Variants in CSMD1 observed in about 807,000 individuals in gnomAD.
The protein encoded by CSMD1 is CUB and sushi domain-containing protein 1.
Under a neutral mutation model 417.5 loss-of-function variants are expected in CSMD1, and 213 were observed. That is an observed-to-expected ratio of 0.51 (90% CI 0.46 to 0.57). CSMD1 has a LOEUF of 0.57. Among genes scored for constraint, CSMD1 ranks in the 20% least tolerant of loss-of-function variants. The pLI is 0.00. For synonymous variants in CSMD1, 2,862 were observed against 1,736.8 expected (o/e 1.65, Z -16.11); for missense variants, 6,923 against 4,529.7 (o/e 1.53, Z -15.17).
At chr8:4,567,423 A>G (rs1487722301) in intron 2 of CSMD1, among the ~76,000 whole-genome samples, 1 of 152,160 alleles carries the variant, frequency 6.6e-6, no homozygotes, top group Non-Finnish European at 1.5e-5. Flanking sequence ...ACAACAACAA[A>G]TGGCATTTTT....
intron 2 of CSMD1, among the ~76,000 whole-genome samples, chr8:4,574,263 A>T (rs1238024308): frequency 1.3e-5 from 2 of 152,070 alleles, no homozygotes; most frequent in Non-Finnish European, 2.9e-5. Context: ...TAGGCATCTG[A>T]GGGAATTTCC....
chr8:4,056,493 G>C (rs186958060), intron 3 of CSMD1, among the ~76,000 whole-genome samples: 1 of 151,320 alleles, frequency 6.6e-6, no homozygotes, highest in African/African-American at 2.4e-5. Flanking sequence ...TGAGAGTCCT[G>C]AAAAATATTG....
chr8:4,954,527 T>G (rs916252395), intron 1 of CSMD1, among the ~76,000 whole-genome samples: 1 of 152,214 alleles, frequency 6.6e-6, no homozygotes, highest in Non-Finnish European at 1.5e-5. Flanking sequence ...AATTCATCTA[T>G]AGATTTTATT....
chr8:4,078,360 G>A (rs1012384649), intron 3 of CSMD1, among the ~76,000 whole-genome samples: 1 of 144,236 alleles, frequency 6.9e-6, no homozygotes, highest in Non-Finnish European at 1.5e-5. Flanking sequence ...TGTGTCGCAG[G>A]CTGGAGTGCA....
chr8:4,404,895 T>G (rs989495939), intron 3 of CSMD1, among the ~76,000 whole-genome samples: 1 of 152,212 alleles, frequency 6.6e-6, no homozygotes, highest in South Asian at 2.1e-4. Context: ...ATTTCGCTCA[T>G]TGAATTTTTC....
intron 5 of CSMD1, among the ~76,000 whole-genome samples, chr8:3,812,650 G>A (rs548782302): frequency 6.6e-6 from 1 of 152,180 alleles, no homozygotes; most frequent in African/African-American, 2.4e-5. Context: ...CCTAGCCACA[G>A]TAAAGAGGAA....
chr8:4,466,378 T>C (rs1190561287), intron 2 of CSMD1, among the ~76,000 whole-genome samples: 1 of 152,074 alleles, frequency 6.6e-6, no homozygotes, highest in Non-Finnish European at 1.5e-5. Flanking sequence ...TGGAGATGTA[T>C]CGGGGAGTTG....
At chr8:3,494,205 T>A (rs1796264732) in intron 10 of CSMD1, among the ~76,000 whole-genome samples, 1 of 152,216 alleles carries the variant, frequency 6.6e-6, no homozygotes, top group African/African-American at 2.4e-5. Flanking sequence ...AAAGCTCTCC[T>A]CTATATTTAG....
At chr8:3,690,063 C>G (rs1240221171) in intron 7 of CSMD1, among the ~76,000 whole-genome samples, 1 of 152,126 alleles carries the variant, frequency 6.6e-6, no homozygotes, top group Non-Finnish European at 1.5e-5. Context: ...AAATGTAATC[C>G]AAACATTGAT....
At chr8:4,892,323 C>T (rs1296629032) in intron 1 of CSMD1, among the ~76,000 whole-genome samples, 3 of 152,022 alleles carry the variant, frequency 2.0e-5, no homozygotes, top group Non-Finnish European at 2.9e-5. Flanking sequence ...ATGGTTGATA[C>T]TTAGGTGACG....
chr8:3,937,692 C>T (rs915872779), intron 5 of CSMD1, among the ~76,000 whole-genome samples: 5 of 152,120 alleles, frequency 3.3e-5, no homozygotes, highest in Non-Finnish European at 7.4e-5. Context: ...TCAATAACTA[C>T]AGACATCTTA....
intron 1 of CSMD1, among the ~76,000 whole-genome samples, chr8:4,774,456 A>G (rs1468621423): frequency 6.6e-6 from 1 of 152,186 alleles, no homozygotes; most frequent in Non-Finnish European, 1.5e-5. Context: ...CTCCTCTAAC[A>G]ATGCCATTTA....
intron 20 of CSMD1, among the ~76,000 whole-genome samples, chr8:3,364,232 A>G (rs1336816263): frequency 6.6e-6 from 1 of 152,168 alleles, no homozygotes; most frequent in Admixed American, 6.5e-5. Flanking sequence ...AATCCTACCA[A>G]ATGAAATTAC....
At chr8:4,128,353 T>A (rs1334402390) in intron 3 of CSMD1, among the ~76,000 whole-genome samples, 1 of 152,114 alleles carries the variant, frequency 6.6e-6, no homozygotes, top group Non-Finnish European at 1.5e-5. Context: ...GTGAACCAAG[T>A]AAAAACTTAT....
At chr8:4,715,338 T>C (rs950066225) in intron 1 of CSMD1, among the ~76,000 whole-genome samples, 4 of 152,164 alleles carry the variant, frequency 2.6e-5, no homozygotes, top group East Asian at 1.9e-4. Flanking sequence ...AATTCAGAAA[T>C]TTACAAAGCA....
intron 5 of CSMD1, among the ~76,000 whole-genome samples, chr8:3,869,622 C>A (rs894157064): frequency 3.9e-5 from 6 of 152,118 alleles, no homozygotes; most frequent in Non-Finnish European, 8.8e-5. Context: ...CACTTTCTCA[C>A]CGCTGAGCTA....
intron 29 of CSMD1, among the ~76,000 whole-genome samples, chr8:3,218,152 G>C (rs1218892070): frequency 6.6e-6 from 1 of 152,182 alleles, no homozygotes; most frequent in East Asian, 1.9e-4. Flanking sequence ...GTAAATCACT[G>C]ATCTGATGAT....
At chr8:4,109,142 G>C (rs975659503) in intron 3 of CSMD1, among the ~76,000 whole-genome samples, 1 of 152,018 alleles carries the variant, frequency 6.6e-6, no homozygotes, top group Non-Finnish European at 1.5e-5. Flanking sequence ...CTAATACAAT[G>C]TAAATGCTAT....
chr8:3,181,542 G>C (rs185213595), intron 36 of CSMD1, among the ~76,000 whole-genome samples: 34 of 152,200 alleles, frequency 2.2e-4, no homozygotes, highest in Non-Finnish European at 4.0e-4. Flanking sequence ...TACTTGACAT[G>C]AACAGAGAGG....
Sources: gnomAD v4.1 joint callset for allele counts (sites outside exome capture counted in the v4.1 genomes callset) on GRCh38, gnomAD v4.1.1 for gene constraint, MANE v1.5 for transcripts, NCBI Gene and HGNC (gene_info 2026-07-23, HGNC 2026-07-21) for gene names.